Variants in ZNF407 observed in about 807,000 individuals in gnomAD.
ZNF407 encodes zinc finger protein 407.
ZNF407 carries 17 observed loss-of-function variants against 131.2 expected under a neutral mutation model. The observed-to-expected ratio is 0.13, with a 90% confidence interval of 0.09 to 0.19. The LOEUF (loss-of-function observed/expected upper bound fraction) is 0.19, where lower values mean the gene tolerates loss of function less well. Ranked by LOEUF, ZNF407 falls within the 10% of genes least tolerant of loss-of-function variation. The pLI is 1.00. For missense variants in ZNF407, 2,681 were observed against 2,830.6 expected (o/e 0.95, Z 1.20); for synonymous variants, 1,156 against 1,062.0 (o/e 1.09, Z -1.72).
chr18:75,035,756 TCCGCCTC>T (rs918820822), intron 8 of ZNF407, among the ~76,000 whole-genome samples: 144 of 152,330 alleles, frequency 9.5e-4, no homozygotes, highest in African/African-American at 3.3e-3. Context: ...GGGCATTGCG[TCCGCCTC>T]GCCTCTGGAA....
intron 8 of ZNF407, among the ~76,000 whole-genome samples, chr18:75,053,486 G>A (rs541815033): frequency 7.9e-5 from 12 of 152,130 alleles, no homozygotes; most frequent in Non-Finnish European, 1.6e-4. Flanking sequence ...TTGAAAGTTA[G>A]TTTCTATTCA....
intron 7 of ZNF407, among the ~76,000 whole-genome samples, chr18:74,903,078 C>G (rs1971550836): frequency 6.6e-6 from 1 of 152,136 alleles, no homozygotes; most frequent in Non-Finnish European, 1.5e-5. Context: ...CTTATGTGAC[C>G]AGGCCTGCCA....
intron 4 of ZNF407, among the ~76,000 whole-genome samples, chr18:74,795,305 G>T (rs773377404): frequency 6.6e-6 from 1 of 152,130 alleles, no homozygotes; most frequent in Non-Finnish European, 1.5e-5. Context: ...TTAGCCATTT[G>T]TGGCATATAT....
chr18:74,921,035 T>C, intron 8 of ZNF407: 1 of 981,382 alleles, frequency 1.0e-6, no homozygotes, highest in Non-Finnish European at 1.2e-6. Flanking sequence ...ATTTTTTTTC[T>C]TAAAAAATGC....
chr18:74,737,625 C>T (rs1968449021), intron 3 of ZNF407, among the ~76,000 whole-genome samples: 1 of 152,072 alleles, frequency 6.6e-6, no homozygotes, highest in Non-Finnish European at 1.5e-5. Flanking sequence ...CATACGCAGA[C>T]ACACACCCTT....
intron 3 of ZNF407, among the ~76,000 whole-genome samples, chr18:74,742,091 G>A (rs1054731612): frequency 1.3e-5 from 2 of 152,166 alleles, no homozygotes; most frequent in African/African-American, 2.4e-5. Flanking sequence ...ATTTAGCCAA[G>A]TATGGTAATC....
chr18:74,702,459 A>G (rs1967521154), intron 3 of ZNF407, among the ~76,000 whole-genome samples: 2 of 152,176 alleles, frequency 1.3e-5, no homozygotes, highest in South Asian at 4.1e-4. Flanking sequence ...ATATTACAGT[A>G]TTATCAGTAT....
At chr18:74,975,450 A>C (rs747357183) in intron 8 of ZNF407, among the ~76,000 whole-genome samples, 2 of 152,226 alleles carry the variant, frequency 1.3e-5, no homozygotes, top group Non-Finnish European at 1.5e-5. Flanking sequence ...ACCAGTGATT[A>C]AAGGTCATTC....
chr18:74,935,529 T>C (rs893703068), intron 8 of ZNF407, among the ~76,000 whole-genome samples: 4 of 152,212 alleles, frequency 2.6e-5, no homozygotes, highest in Admixed American at 6.5e-5. Context: ...TTGTAATCAA[T>C]TCTTTCAGCT....
intron 4 of ZNF407, among the ~76,000 whole-genome samples, chr18:74,876,926 A>G (rs936530336): frequency 3.3e-5 from 5 of 152,180 alleles, no homozygotes; most frequent in African/African-American, 1.2e-4. Flanking sequence ...GGTGAAATCT[A>G]TTCTCACTTT....
intron 3 of ZNF407, among the ~76,000 whole-genome samples, chr18:74,724,146 T>C (rs1968102925): frequency 6.6e-6 from 1 of 152,216 alleles, no homozygotes; most frequent in South Asian, 2.1e-4. Context: ...ATTCTTTTGG[T>C]ATTAGACAAC....
chr18:75,064,928 T>C lies in ZNF407; in HGVS notation c.*460T>C, dbSNP rs1460005701. 1.3e-5 allele frequency: 2 copies of C among 154,850 alleles called. No homozygotes were observed. The highest frequency in any genetic ancestry group is 2.9e-5 in the Non-Finnish European group (2 of 69,988). 9.6% of individuals were successfully genotyped at this position (154,850 alleles called of 1,614,324 possible). A position where few individuals can be genotyped will look rare whatever the true frequency, so the allele number is the denominator to read the frequency against. On this transcript the variant is annotated 3_prime_UTR_variant, in exon 9 of 9. Coordinates refer to ENST00000299687, the MANE Select transcript of ZNF407 (RefSeq NM_017757.3). ...TGTGCAGTCAGCATGTAGCTGCCTT[T>C]CCATTTCATTCTCTACTGGGCTAAA...
At chr18:74,637,952 A>C (rs1004121178) in intron 2 of ZNF407, among the ~76,000 whole-genome samples, 1 of 152,202 alleles carries the variant, frequency 6.6e-6, no homozygotes, top group African/African-American at 2.4e-5. Flanking sequence ...AGTAATCAAC[A>C]TGACCAGAAA....
At chr18:74,663,024 A>G (rs1290010692) in intron 3 of ZNF407, among the ~76,000 whole-genome samples, 2 of 152,188 alleles carry the variant, frequency 1.3e-5, no homozygotes, top group South Asian at 2.1e-4. Context: ...GCATATATAG[A>G]TATTGAGATA....
Position 74,633,925 on chromosome 18 carries a change from A to C in ZNF407, c.2906A>C (p.Glu969Ala), listed in dbSNP as rs762194275. 1 of 1,614,024 alleles carries C rather than the reference A, an allele frequency of 6.2e-7. No homozygotes were observed. The highest frequency in any genetic ancestry group is 2.2e-5 in the East Asian group (1 of 44,878). Residue 969 changes from glutamate to alanine, a missense_variant, in exon 2 of 9, where the codon GAA becomes GCA. By Grantham distance (107) the Glu-to-Ala change is moderately radical. Coordinates refer to ENST00000299687, the MANE Select transcript of ZNF407 (RefSeq NM_017757.3). ...KPDRGNSIEAEVENVFHSLDG... is the reference protein window; with the variant it reads ...KPDRGNSIEAAVENVFHSLDG... ...GATCGTGGAAACTCAATTGAAGCTGAAGTTGAAAATGTATTTCATTCTCTA... is the reference window on the plus strand; with the variant it reads ...GATCGTGGAAACTCAATTGAAGCTGCAGTTGAAAATGTATTTCATTCTCTA...
rs2144748058 is a variant in ZNF407, at chr18:74,669,180, C to T, written c.4802+28058C>T. 1.3e-5 allele frequency among the ~76,000 whole-genome samples: 2 copies of T among 152,356 alleles called. 1 individual carries two copies. Among genetic ancestry groups the T allele is most frequent in the South Asian group, 4.1e-4 (2 of 4,826 alleles). On this transcript the variant is annotated intron_variant, in intron 3 of 8. Coordinates refer to ENST00000299687, the MANE Select transcript of ZNF407 (RefSeq NM_017757.3). ...GGCAGATCTCACCTCTAAGCCTTCA[C>T]ATCCTTTGCTGTCACGCTTGTGCCC... is the stretch of plus-strand genomic sequence containing the variant.
intron 3 of ZNF407, among the ~76,000 whole-genome samples, chr18:74,734,441 G>C (rs761586445): frequency 4.6e-5 from 7 of 152,142 alleles, no homozygotes; most frequent in Non-Finnish European, 8.8e-5. Context: ...AAGTTATTCT[G>C]ATGCGTCATT....
intron 4 of ZNF407, among the ~76,000 whole-genome samples, chr18:74,799,247 A>G (rs992615466): frequency 6.6e-5 from 10 of 152,160 alleles, no homozygotes; most frequent in African/African-American, 2.4e-4. Context: ...TTCTGAGGAA[A>G]ATAACTGAAC....
At chr18:74,644,981 A>G (rs1470724134) in intron 3 of ZNF407, among the ~76,000 whole-genome samples, 2 of 151,964 alleles carry the variant, frequency 1.3e-5, no homozygotes, top group Admixed American at 1.3e-4. Flanking sequence ...TTTTTTTAAA[A>G]AATTGCTTAC....
Sources: allele counts gnomAD v4.1 joint callset (sites outside exome capture counted in the v4.1 genomes callset), GRCh38; gene constraint gnomAD v4.1.1; transcripts MANE v1.5; gene names NCBI Gene and HGNC (gene_info 2026-07-23, HGNC 2026-07-21).